The following PTPRD variants were observed in gnomAD, a reference collection of about 807,000 sequenced individuals.
The protein encoded by PTPRD is receptor-type tyrosine-protein phosphatase delta.
A neutral mutation model predicts 214.5 loss-of-function variants in PTPRD; 34 were observed. That is an observed-to-expected ratio of 0.16 (90% CI 0.12 to 0.21). The LOEUF is 0.21. PTPRD is among the 10% of genes least tolerant of loss of function. The pLI, the probability that PTPRD is intolerant of heterozygous loss-of-function variation, is 1.00. For missense variants in PTPRD, 2,545 were observed against 2,398.7 expected (o/e 1.06, Z -1.27); for synonymous variants, 1,128 against 845.7 (o/e 1.33, Z -5.79).
chr9:10,597,408 A>G (rs945902977), intron 2 of PTPRD, among the ~76,000 whole-genome samples: 2 of 151,806 alleles, frequency 1.3e-5, no homozygotes, highest in East Asian at 3.9e-4. Context: ...CATTCTTCAA[A>G]TAAATTTACT....
At chr9:8,640,694 A>AAAAT (rs927415336) in intron 12 of PTPRD, among the ~76,000 whole-genome samples, 20 of 149,674 alleles carry the variant, frequency 1.3e-4, no homozygotes, top group African/African-American at 4.8e-4. Context: ...AAAAAAAAAA[A>AAAAT]AAATACATAT....
intron 8 of PTPRD, among the ~76,000 whole-genome samples, chr9:9,502,743 T>TA (rs1471054470): frequency 6.6e-6 from 1 of 151,850 alleles, no homozygotes; most frequent in Non-Finnish European, 1.5e-5. Flanking sequence ...GTATTGTTTA[T>TA]AAAAAAGGAG....
At chr9:9,604,904 C>A (rs1279973681) in intron 7 of PTPRD, among the ~76,000 whole-genome samples, 2 of 151,680 alleles carry the variant, frequency 1.3e-5, no homozygotes, top group Non-Finnish European at 2.9e-5. Context: ...ATATTATGAC[C>A]ACTTTCTTAA....
chr9:10,005,606 C>T (rs1159920542), intron 4 of PTPRD, among the ~76,000 whole-genome samples: 3 of 152,046 alleles, frequency 2.0e-5, no homozygotes, highest in African/African-American at 4.8e-5. Flanking sequence ...ATGTCTAGGG[C>T]AGAAATGCAT....
intron 8 of PTPRD, among the ~76,000 whole-genome samples, chr9:9,567,810 G>A (rs1334863208): frequency 6.6e-6 from 1 of 151,974 alleles, no homozygotes; most frequent in African/African-American, 2.4e-5. Flanking sequence ...TAAGCCAATA[G>A]TAAATGATCC....
chr9:8,633,241 T>A (rs2154319842), intron 14 of PTPRD, 76 bp downstream of exon 14: 1 of 1,527,038 alleles, frequency 6.5e-7, no homozygotes, highest in Admixed American at 2.0e-5. Context: ...ACAATGCTAG[T>A]CTTTTCAATG....
At chr9:10,433,415 G>A (rs1233946393) in intron 2 of PTPRD, among the ~76,000 whole-genome samples, 1 of 151,944 alleles carries the variant, frequency 6.6e-6, no homozygotes. Context: ...CATAGTTCAA[G>A]GGACTCCTAC....
At chr9:8,791,917 C>T (rs908294804) in intron 11 of PTPRD, among the ~76,000 whole-genome samples, 1 of 152,078 alleles carries the variant, frequency 6.6e-6, no homozygotes. Flanking sequence ...AATGGACAGC[C>T]AGACCTTTAT....
At chr9:8,539,104 A>G (rs1358736014) in intron 14 of PTPRD, among the ~76,000 whole-genome samples, 1 of 152,082 alleles carries the variant, frequency 6.6e-6, no homozygotes, top group African/African-American at 2.4e-5. Flanking sequence ...GAACACGAAA[A>G]TTAAAAAAGA....
chr9:8,868,199 C>A (rs1338238625), intron 11 of PTPRD, among the ~76,000 whole-genome samples: 1 of 151,908 alleles, frequency 6.6e-6, no homozygotes, highest in Non-Finnish European at 1.5e-5. Flanking sequence ...TATTTTAATT[C>A]ATTTATTTGT....
intron 7 of PTPRD, among the ~76,000 whole-genome samples, chr9:9,580,541 TA>T (rs1303659603): frequency 1.1e-4 from 16 of 143,712 alleles, no homozygotes; most frequent in East Asian, 2.0e-4. Context: ...TAGCTTACTT[TA>T]TTTTCTTTTT....
At chr9:9,081,595 T>A (rs2099759116) in intron 10 of PTPRD, among the ~76,000 whole-genome samples, 1 of 152,000 alleles carries the variant, frequency 6.6e-6, no homozygotes, top group Non-Finnish European at 1.5e-5. Flanking sequence ...GACAGTGGGG[T>A]GTTAAAGTCT....
intron 5 of PTPRD, among the ~76,000 whole-genome samples, chr9:9,848,176 A>G (rs1018422770): frequency 6.6e-6 from 1 of 152,124 alleles, no homozygotes; most frequent in Non-Finnish European, 1.5e-5. Context: ...TACTGACCTC[A>G]TGAATTAACC....
intron 7 of PTPRD, among the ~76,000 whole-genome samples, chr9:9,631,990 C>T (rs2095609382): frequency 6.6e-6 from 1 of 152,090 alleles, no homozygotes; most frequent in Admixed American, 6.6e-5. Flanking sequence ...AAGGGTTTAA[C>T]AATAAAGTGA....
At chr9:9,335,292 C>G (rs1453773735) in intron 9 of PTPRD, among the ~76,000 whole-genome samples, 2 of 151,974 alleles carry the variant, frequency 1.3e-5, no homozygotes, top group African/African-American at 2.4e-5. Flanking sequence ...GATCATTCTT[C>G]CATAATTAGA....
intron 8 of PTPRD, among the ~76,000 whole-genome samples, chr9:9,466,739 T>G (rs1400526347): frequency 1.3e-5 from 2 of 152,182 alleles, no homozygotes; most frequent in Admixed American, 1.3e-4. Context: ...CATATCTATT[T>G]TTTCCTGGAC....
intron 9 of PTPRD, among the ~76,000 whole-genome samples, chr9:9,326,001 A>T (rs1256185896): frequency 6.6e-6 from 1 of 151,696 alleles, no homozygotes; most frequent in South Asian, 2.1e-4. Flanking sequence ...GTGTTTATTG[A>T]TGTGTGTATG....
In PTPRD at chr9:10,466,331, A is replaced by G. The variant is rs77108684; in HGVS notation, c.-599-125314T>C. Among the ~76,000 whole-genome samples, 887 of 152,250 alleles carry G rather than the reference A, an allele frequency of 5.8e-3. 12 individuals carry two copies. The highest frequency in any genetic ancestry group is 0.02 in the African/African-American group (832 of 41,550). On this transcript the variant is annotated intron_variant, in intron 2 of 45. Transcript: ENST00000381196. The stretch of plus-strand genomic sequence containing the variant: ...AATTATTTGAAGATAAATATCATAA[A>G]AGAAATTTTATGCCGGGTGCGGTGG...
intron 12 of PTPRD, among the ~76,000 whole-genome samples, chr9:8,685,512 T>C (rs1033348621): frequency 6.6e-6 from 1 of 152,198 alleles, no homozygotes; most frequent in East Asian, 1.9e-4. Context: ...GATGTAACTA[T>C]ATCAAGGCAA....
Sources: gnomAD v4.1 joint callset for allele counts (sites outside exome capture counted in the v4.1 genomes callset) on GRCh38, gnomAD v4.1.1 for gene constraint, MANE v1.5 for transcripts, NCBI Gene and HGNC (gene_info 2026-07-23, HGNC 2026-07-21) for gene names.